The following BRME1 variants were observed in gnomAD, a reference collection of about 807,000 sequenced individuals.
BRME1 encodes the protein BRCA2 and MEILB2-associating protein 1.
BRME1 carries 31 observed loss-of-function variants against 52.6 expected under a neutral mutation model. That is an observed-to-expected ratio of 0.59 (90% CI 0.44 to 0.80). The LOEUF is 0.80. Ranked by LOEUF, BRME1 falls within the 30% of genes least tolerant of loss-of-function variation. The pLI is 0.00. For missense variants in BRME1, 804 were observed against 860.3 expected, an observed-to-expected ratio of 0.93 and a Z score of 0.82; for synonymous variants, 359 against 353.6, an observed-to-expected ratio of 1.02 and a Z score of -0.17.
intron 4 of BRME1, 21 bp downstream of exon 4, chr19:13,893,121 G>A (rs1319790472): frequency 3.2e-6 from 5 of 1,584,900 alleles, no homozygotes; most frequent in East Asian, 4.5e-5. Context: ...CTATATCCAC[G>A]AGGCCACAGG....
At chr19:13,891,441 G>A (rs560710638) in intron 5 of BRME1, among the ~76,000 whole-genome samples, 29 of 147,188 alleles carry the variant, frequency 2.0e-4, no homozygotes, top group South Asian at 1.5e-3. Flanking sequence ...GAGCCACTGC[G>A]CCCAGCGGCT....
At chr19:13,893,059 T>G in intron 4 of BRME1, 83 bp downstream of exon 4, 1 of 1,425,248 alleles carries the variant, frequency 7.0e-7, no homozygotes, top group Non-Finnish European at 9.7e-7. Flanking sequence ...GAGCAATTGG[T>G]GACAAAGAAG....
rs1970706380 is a variant in BRME1 at position 13,906,056 on chromosome 19, C to G, written c.-363G>C. On this transcript the variant is annotated 5_prime_UTR_variant, in exon 1 of 9. Coordinates refer to ENST00000586783, the MANE Select transcript of BRME1 (RefSeq NM_001345843.2). This position sits in a 1 kb window ranked among gnomAD's most constrained non-coding sequence, Gnocchi z 4.1. ...ACCCCACAGATGTCGCCGCCCCTCA[C>G]ACCTGCGCGCGCTCTGCCTCTTTCC... 1 of 180,674 alleles carries G rather than the reference C, an allele frequency of 5.5e-6. No homozygotes were observed. Among genetic ancestry groups the G allele is most frequent in the South Asian group, 1.5e-4 (1 of 6,498 alleles). 11.2% of individuals were successfully genotyped at this position (180,674 alleles called of 1,614,324 possible). A position where few individuals can be genotyped will look rare whatever the true frequency, so the allele number is the denominator to read the frequency against.
intron 3 of BRME1, 37 bp from the exon 4 acceptor site, chr19:13,893,260 CG>C: frequency 6.5e-7 from 1 of 1,534,432 alleles, no homozygotes; most frequent in Non-Finnish European, 8.8e-7. Flanking sequence ...GAGATCTGCC[CG>C]GGTGCGGTGG....
At chr19:13,902,794 G>A (rs1970389380) in intron 2 of BRME1, among the ~76,000 whole-genome samples, 3 of 149,496 alleles carry the variant, frequency 2.0e-5, no homozygotes, top group African/African-American at 7.4e-5. Flanking sequence ...GCATGGTGGT[G>A]GGTGCCTGTA....
At chr19:13,892,441 C>T (rs888354450) in intron 5 of BRME1, among the ~76,000 whole-genome samples, 8 of 151,854 alleles carry the variant, frequency 5.3e-5, no homozygotes, top group African/African-American at 1.9e-4. Context: ...CAAAAATTAG[C>T]TGGGCGCGGT....
rs1334681388 is a variant in BRME1 at position 13,888,562 on chromosome 19, A to G, written c.1668+626T>C. 1.3e-5 allele frequency among the ~76,000 whole-genome samples: 2 copies of G among 152,244 alleles called. No individual in the cohort carries two copies. The highest frequency in any genetic ancestry group is 4.8e-5 in the African/African-American group (2 of 41,468). ...CTGCCCAGACAGGAGAATGAACGCC[A>G]ACGGCTGGCACCGGCTCTGGAGCCA... is the stretch of plus-strand genomic sequence containing the variant. On this transcript the variant is annotated intron_variant, in intron 6 of 8. Coordinates refer to ENST00000586783, the MANE Select transcript of BRME1 (RefSeq NM_001345843.2). The surrounding 1 kb of genome is among the most constrained non-coding windows in gnomAD (Gnocchi z 4.1).
chr19:13,893,115 A>G, intron 4 of BRME1, 27 bp downstream of exon 4: 1 of 1,577,456 alleles, frequency 6.3e-7, no homozygotes, highest in Non-Finnish European at 8.6e-7. Flanking sequence ...GTGCTTCTAT[A>G]TCCACGAGGC....
At position 13,883,340 on chromosome 19, in the gene BRME1, C is replaced by T. The variant is rs958303704; in HGVS notation, c.1824G>A (p.Val608=). The T allele has an allele frequency of 1.8e-5, 28 of 1,535,160 alleles. No homozygotes were observed. The highest frequency in any genetic ancestry group is 2.4e-5 in the Non-Finnish European group (28 of 1,146,232). The change falls in exon 8 of 9, where the codon GTG becomes GTA. Residue 608 remains valine, a synonymous_variant. Coordinates refer to ENST00000586783, the MANE Select transcript of BRME1 (RefSeq NM_001345843.2). The surrounding 1 kb of genome is among the most constrained non-coding windows in gnomAD (Gnocchi z 4.2). The part of the protein sequence containing the change: ...ASRMEDATNV[V]RGLIVELSNL... ...TGGAGAGCTCAACGATGAGGCCACG[C>T]ACGACGTTGGTGGCATCCTCCATCC...
intron 3 of BRME1, among the ~76,000 whole-genome samples, chr19:13,893,777 C>T (rs769301574): frequency 4.3e-4 from 66 of 151,802 alleles, no homozygotes; most frequent in Non-Finnish European, 6.5e-4. Context: ...ATTAGCTGGA[C>T]GTGGTGATGT....
intron 2 of BRME1, 68 bp from the exon 3 acceptor site, chr19:13,895,614 G>T: frequency 7.0e-7 from 1 of 1,419,858 alleles, no homozygotes; most frequent in Non-Finnish European, 9.7e-7. Context: ...GACAACTCAG[G>T]TCTCCCCCAC....
At chr19:13,884,132 G>A (rs10423991) in intron 7 of BRME1, among the ~76,000 whole-genome samples, 102 of 152,206 alleles carry the variant, frequency 6.7e-4, no homozygotes, top group African/African-American at 2.3e-3. Context: ...TTGAACCCAG[G>A]AATTCAAGAC....
intron 2 of BRME1, among the ~76,000 whole-genome samples, chr19:13,899,762 AG>A (rs1212179668): frequency 6.6e-6 from 1 of 152,080 alleles, no homozygotes; most frequent in Non-Finnish European, 1.5e-5. Context: ...CCACGTTGAG[AG>A]GGTGAGGTGG....
chr19:13,891,867 G>A (rs1002354676), intron 5 of BRME1, among the ~76,000 whole-genome samples: 1 of 151,798 alleles, frequency 6.6e-6, no homozygotes, highest in Non-Finnish European at 1.5e-5. Context: ...GAAGTTGGGA[G>A]TTCGAGACCA....
At chr19:13,886,264 G>A (rs1212225389) in intron 6 of BRME1, among the ~76,000 whole-genome samples, 6 of 152,166 alleles carry the variant, frequency 3.9e-5, no homozygotes, top group African/African-American at 9.7e-5. Flanking sequence ...GGCTGCGCCC[G>A]TCCTTTCCCC....
chr19:13,889,959 C>T lies in BRME1; in HGVS notation c.897G>A (p.Leu299=). 6.2e-7 allele frequency: 1 copy of T among 1,612,696 alleles called. No homozygotes were observed. Among genetic ancestry groups the T allele is most frequent in the Non-Finnish European group, 8.5e-7 (1 of 1,179,958 alleles). The stretch of plus-strand genomic sequence containing the variant: ...AGCCCTGGGCCACAGACCCGGGTTC[C>T]AGGCACCAAGAGGCAGGGCCCAGTC... The part of the protein sequence containing the change: ...APGLGPASWC[L]EPGSVAQGSP... The change falls in exon 6 of 9, where the codon CTG becomes CTA. Residue 299 remains leucine (L), a synonymous_variant. Transcript: ENST00000586783.
rs769244700 is a variant in BRME1, at chr19:13,886,041, C to T, written c.1683G>A (p.Gly561=). The T allele has an allele frequency of 3.1e-6, 5 of 1,613,798 alleles. No individual in the cohort carries two copies. The African/African-American group carries it at 5.3e-5, about 17-fold the overall frequency. Residue 561 remains glycine, a synonymous_variant, in exon 7 of 9, where the codon GGG becomes GGA. Transcript: ENST00000586783. The part of the protein sequence containing the change: ...EAPPEQLFPS[G]NKPGPCWPGP... Reference sequence around the variant, plus strand: ...CCGGCCAGCAAGGGCCCGGCTTGTTCCCCGAAGGAAAGAGCTGGAAAGAGA... The same window carrying T: ...CCGGCCAGCAAGGGCCCGGCTTGTTTCCCGAAGGAAAGAGCTGGAAAGAGA...
At chr19:13,902,294 G>A (rs1970346625) in intron 2 of BRME1, among the ~76,000 whole-genome samples, 1 of 152,022 alleles carries the variant, frequency 6.6e-6, no homozygotes. Context: ...AGTCAAGATC[G>A]TGCCACTGCA....
chr19:13,882,872 GC>G lies in BRME1; in HGVS notation c.1936del (p.Ala646ProfsTer27). On this transcript the variant is annotated frameshift_variant, in exon 9 of 9. Transcript: ENST00000586783. LOFTEE classifies it low-confidence loss of function (END_TRUNC). Reference protein sequence around the residue: ...NYRKTKLGGKAPLPYPSKGPG... With the variant: ...NYRKTKLGGKXPLPYPSKGPG... The stretch of plus-strand genomic sequence containing the variant: ...CCCCTTGGAAGGGTAAGGCAGGGGG[GC>G]TTTGCCTCCCAGCTTTGTCTTCCGG... 1 of 1,614,036 alleles carries G rather than the reference GC, an allele frequency of 6.2e-7. No homozygotes were observed. Among genetic ancestry groups the G allele is most frequent in the Non-Finnish European group, 8.5e-7 (1 of 1,179,976 alleles).
Sources: gnomAD v4.1 joint callset for allele counts (sites outside exome capture counted in the v4.1 genomes callset) on GRCh38, gnomAD v4.1.1 for gene constraint, Gnocchi (gnomAD v3.1) non-coding constraint, MANE v1.5 for transcripts, NCBI Gene and HGNC (gene_info 2026-07-23, HGNC 2026-07-21) for gene names.